The following RASGEF1A variants were observed in gnomAD, a reference collection of about 807,000 sequenced individuals.
RASGEF1A encodes RasGEF domain family member 1A.
RASGEF1A carries 18 observed loss-of-function variants against 56.4 expected under a neutral mutation model. The ratio of observed to expected loss-of-function variants is 0.32; its 90% CI spans 0.22 to 0.47. The LOEUF is 0.47. Ranked by LOEUF, RASGEF1A falls within the 20% of genes least tolerant of loss-of-function variation. The probability of loss-of-function intolerance (pLI) is 1.00; values close to 1 mark genes in which losing one functional copy is unlikely to be tolerated. For synonymous variants in RASGEF1A, 245 were observed against 242.6 expected (o/e 1.01, Z -0.09); for missense variants, 422 against 627.1 (o/e 0.67, Z 3.49).
intron 1 of RASGEF1A, among the ~76,000 whole-genome samples, chr10:43,211,113 T>C (rs1365979207): frequency 6.6e-6 from 1 of 152,190 alleles, no homozygotes; most frequent in African/African-American, 2.4e-5. Context: ...AACGTGCTTA[T>C]AGCAAAGCAG....
intron 1 of RASGEF1A, among the ~76,000 whole-genome samples, chr10:43,226,261 G>A (rs1048230149): frequency 9.9e-5 from 15 of 152,138 alleles, no homozygotes; most frequent in African/African-American, 3.6e-4. Context: ...GACCAACATA[G>A]AGAAACCCCG....
At chr10:43,243,318 G>C (rs1840527385) in intron 1 of RASGEF1A, among the ~76,000 whole-genome samples, 1 of 151,552 alleles carries the variant, frequency 6.6e-6, no homozygotes, top group Non-Finnish European at 1.5e-5. Context: ...TGGGAAGTGA[G>C]GAGCGCCTCT....
chr10:43,235,489 GT>G (rs1840418951), intron 1 of RASGEF1A, among the ~76,000 whole-genome samples: 1 of 152,246 alleles, frequency 6.6e-6, no homozygotes, highest in African/African-American at 2.4e-5. Flanking sequence ...ATGCAGCAGT[GT>G]GGGGAAGGCA....
At chr10:43,226,521 TG>T (rs1470547457) in intron 1 of RASGEF1A, among the ~76,000 whole-genome samples, 2 of 151,996 alleles carry the variant, frequency 1.3e-5, no homozygotes, top group African/African-American at 4.8e-5. Context: ...ACGCCATCCA[TG>T]GGCTCCCACC....
intron 1 of RASGEF1A, among the ~76,000 whole-genome samples, chr10:43,259,955 G>A (rs903244011): frequency 6.6e-6 from 1 of 152,162 alleles, no homozygotes; most frequent in African/African-American, 2.4e-5. Flanking sequence ...GATGAAGGGA[G>A]GCACCAGAGA....
chr10:43,216,012 A>G (rs542133597), intron 1 of RASGEF1A, among the ~76,000 whole-genome samples: 1 of 152,250 alleles, frequency 6.6e-6, no homozygotes, highest in East Asian at 1.9e-4. Context: ...GGCCCATTAG[A>G]TCTCTGGCAA....
intron 1 of RASGEF1A, among the ~76,000 whole-genome samples, chr10:43,238,384 A>G (rs1840462940): frequency 6.6e-6 from 1 of 152,180 alleles, no homozygotes; most frequent in African/African-American, 2.4e-5. Flanking sequence ...CTGGTTTCCT[A>G]CCCTTGAGCT....
intron 1 of RASGEF1A, among the ~76,000 whole-genome samples, chr10:43,211,279 C>T (rs1197657730): frequency 6.6e-6 from 1 of 152,200 alleles, no homozygotes; most frequent in Non-Finnish European, 1.5e-5. Context: ...CCATACCTGG[C>T]TTTACTTGGC....
At chr10:43,238,974 G>A (rs1840470708) in intron 1 of RASGEF1A, among the ~76,000 whole-genome samples, 1 of 152,246 alleles carries the variant, frequency 6.6e-6, no homozygotes, top group Admixed American at 6.5e-5. Context: ...GTCATTCACA[G>A]AATCACAGGC....
intron 1 of RASGEF1A, among the ~76,000 whole-genome samples, chr10:43,244,204 C>A (rs1362473037): frequency 6.6e-6 from 1 of 152,202 alleles, no homozygotes; most frequent in Non-Finnish European, 1.5e-5. Flanking sequence ...CGTTAAGAGT[C>A]ATCACCGTTC....
At chr10:43,203,724 C>T in intron 2 of RASGEF1A, 5 of 1,118,386 alleles carry the variant, frequency 4.5e-6, no homozygotes, top group Non-Finnish European at 5.5e-6. Flanking sequence ...GGGCTAACCC[C>T]AGCCTGGGAC....
chr10:43,206,603 C>T, intron 1 of RASGEF1A: 1 of 994,020 alleles, frequency 1.0e-6, no homozygotes, highest in South Asian at 4.5e-5. Context: ...AGTCTGAGGA[C>T]TCAGGGCCGG....
chr10:43,212,063 G>A (rs1174761843), intron 1 of RASGEF1A, among the ~76,000 whole-genome samples: 1 of 152,190 alleles, frequency 6.6e-6, no homozygotes, highest in African/African-American at 2.4e-5. Flanking sequence ...CTCTGACCTA[G>A]GCCCTTAGGG....
At chr10:43,246,975 G>A (rs1300316723) in intron 1 of RASGEF1A, among the ~76,000 whole-genome samples, 2 of 152,232 alleles carry the variant, frequency 1.3e-5, no homozygotes, top group East Asian at 1.9e-4. Flanking sequence ...AAGAAGAAAT[G>A]GGAAACACTA....
At chr10:43,203,861 G>C (rs1839953252) in intron 2 of RASGEF1A, 3 of 860,306 alleles carry the variant, frequency 3.5e-6, no homozygotes, top group Admixed American at 1.1e-4. Context: ...GCACAGGAGC[G>C]GGGCCTGTCG....
intron 1 of RASGEF1A, among the ~76,000 whole-genome samples, chr10:43,257,041 G>A (rs748388253): frequency 6.6e-6 from 1 of 152,176 alleles, no homozygotes; most frequent in Non-Finnish European, 1.5e-5. Flanking sequence ...CATGCCTGGC[G>A]TGCATGGCCT....
At chr10:43,226,509 C>T (rs542984335) in intron 1 of RASGEF1A, among the ~76,000 whole-genome samples, 1 of 152,284 alleles carries the variant, frequency 6.6e-6, no homozygotes, top group East Asian at 1.9e-4. Flanking sequence ...CCTCCGAGAT[C>T]CACGCCATCC....
chr10:43,248,321 G>A (rs531100640), intron 1 of RASGEF1A, among the ~76,000 whole-genome samples: 256 of 145,962 alleles, frequency 1.8e-3, no homozygotes, highest in African/African-American at 5.5e-3. Context: ...GCACTACTGC[G>A]CTCCAGCCTG....
At chr10:43,241,465 G>A (rs1432814696) in intron 1 of RASGEF1A, among the ~76,000 whole-genome samples, 1 of 152,060 alleles carries the variant, frequency 6.6e-6, no homozygotes, top group Non-Finnish European at 1.5e-5. Context: ...GTATTAATCT[G>A]AACATTGACA....
Sources: allele counts gnomAD v4.1 joint callset (sites outside exome capture counted in the v4.1 genomes callset), GRCh38; gene constraint gnomAD v4.1.1; transcripts MANE v1.5; gene names NCBI Gene and HGNC (gene_info 2026-07-23, HGNC 2026-07-21).